The following NBAS variants were observed in gnomAD, a reference collection of about 807,000 sequenced individuals.
NBAS encodes NAG/BC035112 fusion.
Under a neutral mutation model 302.5 loss-of-function variants are expected in NBAS, and 219 were observed. That is an observed-to-expected ratio of 0.72 (90% confidence interval 0.65 to 0.81). NBAS has a LOEUF of 0.81. Ranked by LOEUF, NBAS falls within the 30% of genes least tolerant of loss-of-function variation. NBAS has a pLI of 0.00. For synonymous variants in NBAS, 1,118 were observed against 1,021.6 expected, an observed-to-expected ratio of 1.09 and a Z score of -1.80; for missense variants, 2,932 against 2,841.6, an observed-to-expected ratio of 1.03 and a Z score of -0.72.
At chr2:14,850,028 C>A in the NBAS span, among the ~76,000 whole-genome samples, 1 of 138,524 alleles carries the variant, frequency 7.2e-6, no homozygotes, top group South Asian at 2.1e-4. Context: ...AACTAACGAG[C>A]AAAATAACCA....
chr2:14,801,093 C>T, the NBAS span, among the ~76,000 whole-genome samples: 3 of 152,068 alleles, frequency 2.0e-5, no homozygotes, highest in Non-Finnish European at 1.5e-5. Context: ...GATAAATCTA[C>T]TGTCATCCTT....
At chr2:14,792,083 C>T in the NBAS span, among the ~76,000 whole-genome samples, 1 of 152,052 alleles carries the variant, frequency 6.6e-6, no homozygotes, top group African/African-American at 2.4e-5. Context: ...ACTCCCACCC[C>T]CTCAGGCAGC....
At chr2:14,831,713 G>A in the NBAS span, among the ~76,000 whole-genome samples, 2 of 152,174 alleles carry the variant, frequency 1.3e-5, no homozygotes, top group South Asian at 2.1e-4. Context: ...TCTACTACCC[G>A]CCAATAGTAT....
chr2:15,262,473 T>C (rs1260676809), intron 44 of NBAS, among the ~76,000 whole-genome samples: 2 of 152,198 alleles, frequency 1.3e-5, no homozygotes, highest in Non-Finnish European at 2.9e-5. Flanking sequence ...ACAGCAGTGA[T>C]TATAGTTCCT....
intron 30 of NBAS, among the ~76,000 whole-genome samples, chr2:15,378,409 G>GT (rs1462866650): frequency 1.3e-5 from 2 of 152,154 alleles, no homozygotes; most frequent in Non-Finnish European, 2.9e-5. Flanking sequence ...GAACAGCAGC[G>GT]TATCAGTCAG....
chr2:14,882,904 CTGTT>C, the NBAS span, among the ~76,000 whole-genome samples: 1 of 152,146 alleles, frequency 6.6e-6, no homozygotes, highest in Admixed American at 6.5e-5. Context: ...TCAGTGTTGT[CTGTT>C]TCTCTTCAGC....
Position 15,474,159 on chromosome 2 carries a change from C to G in NBAS, c.1507G>C (p.Ala503Pro), listed in dbSNP as rs773602193. Residue 503 changes from alanine to proline, a missense_variant, in exon 15 of 52, where the codon GCA becomes CCA. Coordinates refer to ENST00000281513, the MANE Select transcript of NBAS (RefSeq NM_015909.4). ...GTTCGTGGGCGTTTCCGTGGTGGTGCAAATCGCTCCATTTCAGTCACCAAG... is the reference window on the plus strand; with the variant it reads ...GTTCGTGGGCGTTTCCGTGGTGGTGGAAATCGCTCCATTTCAGTCACCAAG... ...LYLVTEMERF[A>P]PPRKRPRTIT... is the part of the protein sequence containing the mutation. 26 of 1,613,948 alleles carry G rather than the reference C, an allele frequency of 1.6e-5. No homozygotes were observed. In the Middle Eastern group the frequency reaches 2.3e-3, roughly 143 times the overall value.
chr2:15,144,046 A>ATCTAT, the NBAS span, among the ~76,000 whole-genome samples: 2 of 104,578 alleles, frequency 1.9e-5, no homozygotes, highest in Non-Finnish European at 3.5e-5. Context: ...CCTATATATA[A>ATCTAT]AAATATATAT....
the NBAS span, among the ~76,000 whole-genome samples, chr2:14,825,793 G>A: frequency 6.6e-6 from 1 of 152,216 alleles, no homozygotes; most frequent in African/African-American, 2.4e-5. Flanking sequence ...TCATCCCAGA[G>A]AACTTAATGA....
At chr2:15,321,936 C>T (rs552976049) in intron 38 of NBAS, among the ~76,000 whole-genome samples, 2 of 152,292 alleles carry the variant, frequency 1.3e-5, no homozygotes, top group South Asian at 4.2e-4. Flanking sequence ...AAGACATATG[C>T]ACACGTATGT....
chr2:15,355,660 A>G (rs886511390), intron 33 of NBAS, among the ~76,000 whole-genome samples: 1 of 152,074 alleles, frequency 6.6e-6, no homozygotes, highest in African/African-American at 2.4e-5. Flanking sequence ...TCGTTGTGAT[A>G]GTGAGTTGAG....
intron 12 of NBAS, among the ~76,000 whole-genome samples, chr2:15,484,029 G>A (rs1680529236): frequency 6.6e-6 from 1 of 152,182 alleles, no homozygotes; most frequent in African/African-American, 2.4e-5. Flanking sequence ...AGACATGAAA[G>A]AAGAGTAGCT....
the NBAS span, among the ~76,000 whole-genome samples, chr2:14,877,997 C>T: frequency 0.021 from 3,271 of 152,198 alleles, 122 homozygotes; most frequent in African/African-American, 0.073. Context: ...CAAAAGCCTG[C>T]GATACTGTAC....
chr2:15,427,833 T>C (rs745329690), intron 21 of NBAS, 39 bp from the exon 22 acceptor site: 1 of 1,475,430 alleles, frequency 6.8e-7, no homozygotes. Flanking sequence ...AAATTCACAT[T>C]ACCTCAATGA....
intron 40 of NBAS, among the ~76,000 whole-genome samples, chr2:15,307,036 C>T (rs1003394034): frequency 6.6e-6 from 1 of 152,176 alleles, no homozygotes; most frequent in Non-Finnish European, 1.5e-5. Flanking sequence ...CCCTCAGCCT[C>T]CTTCTGCCTC....
chr2:14,887,016 A>T, the NBAS span, among the ~76,000 whole-genome samples: 1 of 152,172 alleles, frequency 6.6e-6, no homozygotes, highest in Admixed American at 6.5e-5. Context: ...TAACCTTCTT[A>T]AATTGATTGA....
chr2:15,528,861 C>T (rs1255076947), intron 9 of NBAS, among the ~76,000 whole-genome samples: 2 of 37,504 alleles, frequency 5.3e-5, no homozygotes, highest in African/African-American at 9.8e-5. Flanking sequence ...AGTGAGACTC[C>T]ATCTCAAAAA....
chr2:15,254,204 C>A (rs1224654106), intron 44 of NBAS, among the ~76,000 whole-genome samples: 1 of 151,978 alleles, frequency 6.6e-6, no homozygotes, highest in Non-Finnish European at 1.5e-5. Flanking sequence ...AGCAATTGGG[C>A]ACCCAGGAGG....
At chr2:15,552,680 G>C (rs75418290) in intron 5 of NBAS, among the ~76,000 whole-genome samples, 344 of 152,208 alleles carry the variant, frequency 2.3e-3, no homozygotes, top group Non-Finnish European at 4.0e-3. Context: ...TAATACCACT[G>C]AATGTCTCAA....
Sources: gnomAD v4.1 joint callset for allele counts (sites outside exome capture counted in the v4.1 genomes callset) on GRCh38, gnomAD v4.1.1 for gene constraint, MANE v1.5 for transcripts, NCBI Gene and HGNC (gene_info 2026-07-23, HGNC 2026-07-21) for gene names.